The following ANKRD13C variants were observed in gnomAD, a reference collection of about 807,000 sequenced individuals.
ANKRD13C encodes the protein ankyrin repeat domain-containing protein 13C.
Under a neutral mutation model 65.5 loss-of-function variants are expected in ANKRD13C, and 16 were observed. The observed-to-expected ratio is 0.24, with a 90% CI of 0.17 to 0.37. The LOEUF is 0.37. Among genes scored for constraint, ANKRD13C ranks in the 10% least tolerant of loss-of-function variants. The probability of loss-of-function intolerance (pLI) is 1.00; values close to 1 mark genes in which losing one functional copy is unlikely to be tolerated. For missense variants in ANKRD13C, 503 were observed against 655.9 expected (o/e 0.77, Z 2.55); for synonymous variants, 235 against 238.7 (o/e 0.98, Z 0.14).
chr1:70,299,340 A>T (rs1303531178), intron 7 of ANKRD13C, among the ~76,000 whole-genome samples: 1 of 152,234 alleles, frequency 6.6e-6, no homozygotes, highest in African/African-American at 2.4e-5. Flanking sequence ...TGCCGTGCTA[A>T]GGAGATTAGA....
chr1:70,285,902 T>C (rs116661207), intron 9 of ANKRD13C, among the ~76,000 whole-genome samples: 2,038 of 152,258 alleles, frequency 0.013, 53 homozygotes, highest in African/African-American at 0.046. Context: ...GTTAAACTTA[T>C]ATATACCTTT....
chr1:70,299,719 A>T (rs1405614829), intron 7 of ANKRD13C, among the ~76,000 whole-genome samples: 3 of 152,232 alleles, frequency 2.0e-5, no homozygotes, highest in Non-Finnish European at 4.4e-5. Flanking sequence ...CAGGAAAAAG[A>T]GCAGGTTTGG....
intron 9 of ANKRD13C, among the ~76,000 whole-genome samples, chr1:70,282,104 G>C (rs1160603054): frequency 6.7e-6 from 1 of 149,256 alleles, no homozygotes; most frequent in African/African-American, 2.5e-5. Context: ...ACCCAGGCTG[G>C]AGTGTAGTAG....
At chr1:70,276,872 G>T in intron 9 of ANKRD13C, 28 bp from the exon 10 acceptor site, 1 of 1,510,132 alleles carries the variant, frequency 6.6e-7, no homozygotes, top group Non-Finnish European at 9.0e-7. Context: ...GAAAGAAAGT[G>T]GGGTGGGGGA....
intron 9 of ANKRD13C, among the ~76,000 whole-genome samples, chr1:70,284,415 T>C (rs1679532500): frequency 6.6e-6 from 1 of 152,184 alleles, no homozygotes; most frequent in Non-Finnish European, 1.5e-5. Context: ...TATTTTTTAC[T>C]ATTATGTGCT....
intron 10 of ANKRD13C, among the ~76,000 whole-genome samples, chr1:70,275,506 T>C (rs77255566): frequency 2.0e-5 from 3 of 149,236 alleles, no homozygotes; most frequent in African/African-American, 7.3e-5. Context: ...GGAATGTCCT[T>C]TTTTTTTTTT....
At position 70,354,208 on chromosome 1, in the gene ANKRD13C, C is replaced by CGGGGGGATT; in HGVS notation, c.200_201insAATCCCCCC (p.Pro67_Ala68insIleProPro). 1 of 1,613,690 alleles carries CGGGGGGATT rather than the reference C, an allele frequency of 6.2e-7. No individual in the cohort carries two copies. The highest frequency in any genetic ancestry group is 8.5e-7 in the Non-Finnish European group (1 of 1,180,018). On this transcript the variant is annotated inframe_insertion, in exon 1 of 13. Transcript: ENST00000370944. ...GGGCGCCGGGGGGATTGGAGGAGGC[C>CGGGGGGATT]GGAGCTGCCTTCAGCTGTAGCCGGT...
At chr1:70,300,697 G>T (rs1680312063) in intron 7 of ANKRD13C, 67 bp downstream of exon 7, 1 of 1,413,708 alleles carries the variant, frequency 7.1e-7, no homozygotes, top group East Asian at 2.6e-5. Flanking sequence ...TTATACTGAG[G>T]TTTTGCTAAA....
chr1:70,268,541 G>A (rs1678732812), intron 12 of ANKRD13C, among the ~76,000 whole-genome samples: 2 of 152,184 alleles, frequency 1.3e-5, no homozygotes, highest in South Asian at 4.1e-4. Flanking sequence ...CTAAGAAGAG[G>A]GGCGCCACTT....
chr1:70,336,937 T>C (rs1374561548), intron 1 of ANKRD13C, among the ~76,000 whole-genome samples: 3 of 152,222 alleles, frequency 2.0e-5, no homozygotes, highest in African/African-American at 7.2e-5. Context: ...ATGATCTAAA[T>C]GTTAAACCAA....
chr1:70,308,119 T>C (rs1680663995), intron 5 of ANKRD13C, among the ~76,000 whole-genome samples: 1 of 152,154 alleles, frequency 6.6e-6, no homozygotes, highest in African/African-American at 2.4e-5. Flanking sequence ...TAAAAGTAGA[T>C]AGCACTCCAA....
rs1228522961 is a variant in ANKRD13C, at chr1:70,260,303, T to G, written c.*2414A>C. On this transcript the variant is annotated 3_prime_UTR_variant, in exon 13 of 13. Coordinates refer to ENST00000370944, the MANE Select transcript of ANKRD13C (RefSeq NM_030816.5). ...ATTGTCTCATCAGAGAATTATTTTC[T>G]CAAAGATGGAAACCATATCTTCTCT... Among the ~76,000 whole-genome samples the G allele has an allele frequency of 6.6e-6, 1 of 152,162 alleles. No homozygotes were observed. The highest frequency in any genetic ancestry group is 2.4e-5 in the African/African-American group (1 of 41,448).
intron 12 of ANKRD13C, among the ~76,000 whole-genome samples, chr1:70,267,218 C>A (rs1276926103): frequency 6.6e-6 from 1 of 152,088 alleles, no homozygotes; most frequent in Non-Finnish European, 1.5e-5. Flanking sequence ...CTGATATCTG[C>A]CTTAATTTTA....
chr1:70,265,842 A>G (rs1425282401), intron 12 of ANKRD13C, among the ~76,000 whole-genome samples: 4 of 149,310 alleles, frequency 2.7e-5, no homozygotes, highest in African/African-American at 4.9e-5. Flanking sequence ...AAAAAAAAAA[A>G]AAAAAAAAAG....
chr1:70,326,231 CAAAAAAAAAAAAA>C (rs59618915), intron 2 of ANKRD13C, among the ~76,000 whole-genome samples: 285 of 31,094 alleles, frequency 9.2e-3, no homozygotes, highest in African/African-American at 0.024. Context: ...AACTCTGTCT[CAAAAAAAAAAAAA>C]AAAAAAAAAA....
intron 1 of ANKRD13C, among the ~76,000 whole-genome samples, chr1:70,340,233 TTAC>T (rs1682250184): frequency 1.3e-5 from 2 of 152,166 alleles, no homozygotes; most frequent in African/African-American, 4.8e-5. Context: ...TGCTCTTTTA[TTAC>T]TTCTATTTTA....
At chr1:70,308,868 G>A (rs1680711445) in intron 5 of ANKRD13C, among the ~76,000 whole-genome samples, 1 of 151,954 alleles carries the variant, frequency 6.6e-6, no homozygotes, top group African/African-American at 2.4e-5. Flanking sequence ...TCCCAAGTCT[G>A]AAATAACTCT....
intron 1 of ANKRD13C, among the ~76,000 whole-genome samples, chr1:70,337,956 A>G (rs113019892): frequency 0.011 from 1,631 of 152,184 alleles, 31 homozygotes; most frequent in African/African-American, 0.038. Context: ...AAAATTAGCC[A>G]GGGGTGGTGG....
chr1:70,345,308 A>G (rs779003632), intron 1 of ANKRD13C, among the ~76,000 whole-genome samples: 1 of 152,040 alleles, frequency 6.6e-6, no homozygotes, highest in Non-Finnish European at 1.5e-5. Flanking sequence ...ACATGCCTGA[A>G]ATCCCAGCTA....
Sources: allele counts gnomAD v4.1 joint callset (sites outside exome capture counted in the v4.1 genomes callset), GRCh38; gene constraint gnomAD v4.1.1; transcripts MANE v1.5; gene names NCBI Gene and HGNC (gene_info 2026-07-23, HGNC 2026-07-21).